The following PCDH15 variants were observed in gnomAD, a reference collection of about 807,000 sequenced individuals.
PCDH15 encodes the protein protocadherin related 15, also known as protocadherin-15.
PCDH15 carries 129 observed loss-of-function variants against 178.5 expected under a neutral mutation model. The observed-to-expected ratio is 0.72, with a 90% CI of 0.63 to 0.84. The LOEUF (loss-of-function observed/expected upper bound fraction) is 0.84, where lower values mean the gene tolerates loss of function less well. PCDH15 is among the 40% of genes least tolerant of loss of function. The pLI is 0.00. For synonymous variants in PCDH15, 800 were observed against 732.0 expected, an observed-to-expected ratio of 1.09 and a Z score of -1.50; for missense variants, 2,230 against 2,099.9, an observed-to-expected ratio of 1.06 and a Z score of -1.21.
intron 1 of PCDH15, among the ~76,000 whole-genome samples, chr10:55,302,374 A>G (rs1473181430): frequency 6.6e-6 from 1 of 152,178 alleles, no homozygotes; most frequent in Non-Finnish European, 1.5e-5. Flanking sequence ...ATTCATTACT[A>G]ATATACATAA....
chr10:54,615,940 C>G (rs564550739), intron 2 of PCDH15, among the ~76,000 whole-genome samples: 28 of 152,074 alleles, frequency 1.8e-4, no homozygotes, highest in Non-Finnish European at 2.8e-4. Context: ...GGGATTGGTA[C>G]AGACACTGGT....
chr10:54,303,414 T>A lies in PCDH15; in HGVS notation c.876+13857A>T, dbSNP rs552091060. Among the ~76,000 whole-genome samples, 319 of 152,128 alleles carry A rather than the reference T, an allele frequency of 2.1e-3. 1 individual carries two copies. The highest frequency in any genetic ancestry group is 5.4e-3 in the African/African-American group (225 of 41,534). On this transcript the variant is annotated intron_variant, in intron 8 of 37. Transcript: ENST00000644397. ...TATGTACATATATATAAAAATATAT[T>A]TATGTATGTGTATATATATGCATAT...
intron 15 of PCDH15, among the ~76,000 whole-genome samples, chr10:54,095,643 G>T (rs1481900936): frequency 2.0e-5 from 3 of 152,122 alleles, no homozygotes; most frequent in African/African-American, 7.2e-5. Context: ...TGCTAAGAAG[G>T]CATAGCAGAA....
intron 11 of PCDH15, among the ~76,000 whole-genome samples, chr10:54,190,570 GT>G (rs1369431330): frequency 6.6e-6 from 1 of 152,080 alleles, no homozygotes; most frequent in Non-Finnish European, 1.5e-5. Context: ...GCCTGGCTAA[GT>G]TTTTTGTTTA....
intron 16 of PCDH15, among the ~76,000 whole-genome samples, chr10:54,082,703 T>G (rs967475794): frequency 6.6e-6 from 1 of 151,514 alleles, no homozygotes; most frequent in East Asian, 1.9e-4. Context: ...TTCTTAGATA[T>G]GACACCAGAT....
chr10:55,612,570 G>T (rs1843390638), intron 2 of PCDH15, among the ~76,000 whole-genome samples: 1 of 151,944 alleles, frequency 6.6e-6, no homozygotes, highest in African/African-American at 2.4e-5. Flanking sequence ...AAATTTTATG[G>T]CAAACCTAAA....
chr10:54,409,941 G>A (rs1255804949), intron 3 of PCDH15, among the ~76,000 whole-genome samples: 1 of 152,078 alleles, frequency 6.6e-6, no homozygotes, highest in Non-Finnish European at 1.5e-5. Context: ...GGACTTCCAA[G>A]CCTCCAGAAC....
intron 2 of PCDH15, among the ~76,000 whole-genome samples, chr10:55,427,182 T>A (rs1280551371): frequency 6.6e-6 from 1 of 152,168 alleles, no homozygotes; most frequent in South Asian, 2.1e-4. Context: ...TTTAAAGTTA[T>A]AATCCGTAGA....
chr10:54,493,451 G>C (rs1412451145), intron 3 of PCDH15, among the ~76,000 whole-genome samples: 1 of 151,170 alleles, frequency 6.6e-6, no homozygotes, highest in Admixed American at 6.6e-5. Context: ...TGTCACCCCT[G>C]CATAGAATTT....
intron 2 of PCDH15, among the ~76,000 whole-genome samples, chr10:54,919,589 TTC>T (rs1469622363): frequency 1.3e-5 from 2 of 152,012 alleles, no homozygotes; most frequent in African/African-American, 4.8e-5. Flanking sequence ...TACTGTACAG[TTC>T]TCTATTTAAT....
At position 54,295,003 on chromosome 10, in the gene PCDH15, A is replaced by T. The variant is rs576622663; in HGVS notation, c.876+22268T>A. The stretch of plus-strand genomic sequence containing the variant: ...ATTGTTGAAACTGGGTGATAAATTC[A>T]TAGTGTGGTCATGATGGTCTTCTGT... On this transcript the variant is annotated intron_variant, in intron 8 of 37. Coordinates refer to ENST00000644397, the MANE Select transcript of PCDH15 (RefSeq NM_001384140.1). Among the ~76,000 whole-genome samples, 250 of 152,332 alleles carry T rather than the reference A, an allele frequency of 1.6e-3. 2 individuals carry two copies. Among genetic ancestry groups the T allele is most frequent in the Middle Eastern group, 6.8e-3 (2 of 294 alleles).
At chr10:54,345,733 T>A (rs1396377408) in intron 6 of PCDH15, among the ~76,000 whole-genome samples, 2 of 122,542 alleles carry the variant, frequency 1.6e-5, no homozygotes, top group East Asian at 2.4e-4. Flanking sequence ...TACAAAAAAA[T>A]TGAGCTTCCA....
chr10:54,010,209 C>G (rs1232067481), intron 20 of PCDH15, among the ~76,000 whole-genome samples: 2 of 151,788 alleles, frequency 1.3e-5, no homozygotes, highest in Non-Finnish European at 2.9e-5. Flanking sequence ...GGATTAGGGA[C>G]TAATGCCGAC....
chr10:53,821,967 G>C lies in PCDH15; in HGVS notation c.4368-1737C>G, dbSNP rs2076296562. 6.2e-7 allele frequency: 1 copy of C among 1,613,818 alleles called. No individual in the cohort carries two copies. The highest frequency in any genetic ancestry group is 8.5e-7 in the Non-Finnish European group (1 of 1,179,838). The stretch of plus-strand genomic sequence containing the variant: ...GATTTCCATATTTGTTACTTCTGAA[G>C]GGCACATAGTTTGAAGTTCTGAAAC... On this transcript the variant is annotated intron_variant, in intron 32 of 37. Coordinates refer to ENST00000644397, the MANE Select transcript of PCDH15 (RefSeq NM_001384140.1).
chr10:54,200,227 C>T (rs113046459), intron 10 of PCDH15, among the ~76,000 whole-genome samples: 3 of 146,800 alleles, frequency 2.0e-5, no homozygotes, highest in African/African-American at 7.5e-5. Context: ...AGAAAGAAAT[C>T]ATGTTTTCCA....
intron 1 of PCDH15, among the ~76,000 whole-genome samples, chr10:55,206,317 A>C (rs1443358659): frequency 6.6e-6 from 1 of 152,140 alleles, no homozygotes; most frequent in African/African-American, 2.4e-5. Context: ...TTAAATGTCA[A>C]GTTGTGATCT....
intron 1 of PCDH15, among the ~76,000 whole-genome samples, chr10:55,244,384 C>G (rs543128350): frequency 1.3e-5 from 2 of 151,986 alleles, no homozygotes; most frequent in South Asian, 2.1e-4. Flanking sequence ...TAGAAGAAAA[C>G]AGTTTCCCCT....
rs1838242553 is a variant in PCDH15 at position 55,408,022 on chromosome 10, A to T, written c.-156+219603T>A. On this transcript the variant is annotated intron_variant, in intron 2 of 5. Coordinates refer to the PCDH15 transcript ENST00000613346. ...AGGCACCAAAAATGTGCTCTCCAAC[A>T]CTAACCATAAAGATACCAAGATGGT... Among the ~76,000 whole-genome samples, 3 of 152,144 alleles carry T rather than the reference A, an allele frequency of 2.0e-5. No homozygotes were observed. In the South Asian group the frequency reaches 6.2e-4, roughly 32 times the overall value.
At chr10:54,475,507 G>A (rs2078216361) in intron 3 of PCDH15, among the ~76,000 whole-genome samples, 2 of 151,932 alleles carry the variant, frequency 1.3e-5, no homozygotes, top group Non-Finnish European at 2.9e-5. Context: ...AAAGTGTTTG[G>A]CACCCAAATC....
Sources: allele counts gnomAD v4.1 joint callset (sites outside exome capture counted in the v4.1 genomes callset), GRCh38; gene constraint gnomAD v4.1.1; transcripts MANE v1.5; gene names NCBI Gene and HGNC (gene_info 2026-07-23, HGNC 2026-07-21).